The following RITA1 variants were observed in gnomAD, a reference collection of about 807,000 sequenced individuals.
The protein encoded by RITA1 is RBPJ interacting and tubulin associated 1, also known as RBPJ-interacting and tubulin-associated protein 1.
In RITA1, 15 loss-of-function variants were observed where a neutral mutation model predicts 8.7. That is an observed-to-expected ratio of 1.72 (90% CI 1.15 to 2.65). The LOEUF (loss-of-function observed/expected upper bound fraction) is 2.65, where lower values mean the gene tolerates loss of function less well. RITA1 is among the 30% of genes most tolerant of loss of function. The pLI, the probability that RITA1 is intolerant of heterozygous loss-of-function variation, is 0.00. For synonymous variants in RITA1, 145 were observed against 156.2 expected, an observed-to-expected ratio of 0.93 and a Z score of 0.53; for missense variants, 330 against 363.8, an observed-to-expected ratio of 0.91 and a Z score of 0.76.
chr12:113,191,778 A>G lies in RITA1; in HGVS notation c.771A>G (p.Arg257=), dbSNP rs775547497. 6.2e-7 allele frequency: 1 copy of G among 1,611,356 alleles called. No homozygotes were observed. The highest frequency in any genetic ancestry group is 8.5e-7 in the Non-Finnish European group (1 of 1,178,546). ...TTTCAGTGCCATCTACCCCACGACG[A>G]GGTGGGGCCACCCAGAAACCAAAGC... is the stretch of plus-strand genomic sequence containing the variant. ...VSISVPSTPR[R]GGATQKPKPP... Residue 257 remains arginine, a synonymous_variant, in exon 4 of 4, where the codon CGA becomes CGG. Transcript: ENST00000548278. This position sits in a 1 kb window ranked among gnomAD's most constrained non-coding sequence, Gnocchi z 4.0.
At position 113,186,288 on chromosome 12, in the gene RITA1, AAC is replaced by A; in HGVS notation, c.-91_-90del. ...CAGTGCTGTTGAGAGGATTAAATGA[AAC>A]AATGCTTGTAAAGCTCTTTGCAGGA... On this transcript the variant is annotated 5_prime_UTR_variant, in exon 2 of 4. An upstream open reading frame in the 5' UTR loses its in-frame stop. Coordinates refer to ENST00000548278, the MANE Select transcript of RITA1 (RefSeq NM_032848.3). 7.2e-7 allele frequency: 1 copy of A among 1,394,448 alleles called. No individual in the cohort carries two copies. Among genetic ancestry groups the A allele is most frequent in the Non-Finnish European group, 9.3e-7 (1 of 1,075,152 alleles). The allele number at this position is 1,394,448 out of a possible 1,614,324, so 86.4% of individuals were successfully genotyped here.
In RITA1 at chr12:113,191,655, T is replaced by C. The variant is rs1479010336; in HGVS notation, c.648T>C (p.Ser216=). The part of the protein sequence containing the change: ...NVPSTGHPAT[S]APHTNGPQDL... ...CCAGCACTGGTCATCCAGCCACCAG[T>C]GCCCCCCACACAAATGGGCCTCAGG... The change falls in exon 4 of 4, where the codon AGT becomes AGC. Residue 216 remains serine (S), a synonymous_variant. Coordinates refer to ENST00000548278, the MANE Select transcript of RITA1 (RefSeq NM_032848.3). The surrounding 1 kb of genome is among the most constrained non-coding windows in gnomAD (Gnocchi z 4.0). The C allele has an allele frequency of 6.2e-7, 1 of 1,614,002 alleles. No homozygotes were observed. The highest frequency in any genetic ancestry group is 1.3e-5 in the African/African-American group (1 of 74,922).
chr12:113,189,968 T>A (rs1158001307), intron 3 of RITA1, among the ~76,000 whole-genome samples: 1 of 150,628 alleles, frequency 6.6e-6, no homozygotes, highest in Non-Finnish European at 1.5e-5. Flanking sequence ...GCTCAGGAGT[T>A]CGCAGCTGCA....
rs2136332123 is a variant in RITA1, at chr12:113,185,917, G to A, written c.-301G>A. 2 of 1,484,100 alleles carry A rather than the reference G, an allele frequency of 1.3e-6. No individual in the cohort carries two copies. The highest frequency in any genetic ancestry group is 1.8e-4 in the Middle Eastern group (1 of 5,606). The allele number at this position is 1,484,100 out of a possible 1,614,324, so 91.9% of individuals were successfully genotyped here. On this transcript the variant is annotated 5_prime_UTR_variant, in exon 1 of 4. It removes an upstream start codon present in the reference 5' UTR. Coordinates refer to ENST00000548278, the MANE Select transcript of RITA1 (RefSeq NM_032848.3). ...CTGCAGATTGACGGGGATCCCGGATGCACCGCGCGCCCCCGCGCCCTCACC... is the reference window on the plus strand; with the variant it reads ...CTGCAGATTGACGGGGATCCCGGATACACCGCGCGCCCCCGCGCCCTCACC...
rs529527692 is a variant in RITA1, at chr12:113,190,332, A to T, written c.303-978A>T. On this transcript the variant is annotated intron_variant, in intron 3 of 3. Transcript: ENST00000548278. ...GGGTGACAGAGCGAGACTCTGTCTCAGAAAAAAAAAGAAAAAGAAAGAAAG... is the reference window on the plus strand; with the variant it reads ...GGGTGACAGAGCGAGACTCTGTCTCTGAAAAAAAAAGAAAAAGAAAGAAAG... 9.9e-5 allele frequency among the ~76,000 whole-genome samples: 15 copies of T among 151,046 alleles called. No homozygotes were observed. The South Asian group carries it at 2.9e-3, about 29-fold the overall frequency.
intron 3 of RITA1, among the ~76,000 whole-genome samples, chr12:113,190,835 C>T (rs1336670203): frequency 6.6e-6 from 1 of 152,184 alleles, no homozygotes; most frequent in Non-Finnish European, 1.5e-5. Flanking sequence ...TCCCTGCATG[C>T]CCTTCAATCT....
Position 113,186,000 on chromosome 12 carries a change from G to C in RITA1, c.-218G>C, listed in dbSNP as rs548186802. ...GGGACGGGTCCCTGAGGATCCCGAT[G>C]CCTACGAGCCAAGATGCTCAGGTAG... On this transcript the variant is annotated 5_prime_UTR_variant, in exon 1 of 4. The change abolishes an upstream ATG in the 5' untranslated region. Transcript: ENST00000548278. 5.3e-5 allele frequency: 82 copies of C among 1,535,980 alleles called. No homozygotes were observed. The East Asian group carries it at 1.9e-3, about 35-fold the overall frequency.
rs761933915 is a variant in RITA1 at position 113,191,501 on chromosome 12, A to G, written c.494A>G (p.His165Arg). Residue 165 changes from histidine (H) to arginine (R), a missense_variant, in exon 4 of 4, where the codon CAC becomes CGC. His to Arg is a conservative substitution (Grantham distance 29). Coordinates refer to ENST00000548278, the MANE Select transcript of RITA1 (RefSeq NM_032848.3). This position sits in a 1 kb window ranked among gnomAD's most constrained non-coding sequence, Gnocchi z 4.0. Reference protein sequence around the residue: ...RPREAPLRAIHPAGPSKTEPG... With the variant: ...RPREAPLRAIRPAGPSKTEPG... Reference sequence around the variant, plus strand: ...AGGGAGGCACCACTGCGAGCCATTCACCCAGCTGGTCCCTCCAAGACAGAG... The same window carrying G: ...AGGGAGGCACCACTGCGAGCCATTCGCCCAGCTGGTCCCTCCAAGACAGAG... The G allele has an allele frequency of 1.9e-6, 3 of 1,605,906 alleles. No homozygotes were observed. In the African/African-American group the frequency reaches 4.0e-5, roughly 21 times the overall value.
In RITA1 at chr12:113,186,948, A is replaced by G; in HGVS notation, c.202A>G (p.Lys68Glu). 6.2e-7 allele frequency: 1 copy of G among 1,614,080 alleles called. No individual in the cohort carries two copies. Among genetic ancestry groups the G allele is most frequent in the Admixed American group, 1.7e-5 (1 of 60,006 alleles). ...EKANRTRGVGKEASKALGAKG... is the reference protein window; with the variant it reads ...EKANRTRGVGEEASKALGAKG... ...GGCTAACAGAACCAGAGGCGTGGGC[A>G]AGGAGGCATCGAAGGCCTTGGGGGC... The change falls in exon 3 of 4, where the codon AAG (lysine) becomes GAG (glutamate). Residue 68 changes from lysine (K) to glutamate (E), a missense_variant. Transcript: ENST00000548278.
chr12:113,190,441 T>C (rs1952588464), intron 3 of RITA1, among the ~76,000 whole-genome samples: 1 of 152,126 alleles, frequency 6.6e-6, no homozygotes, highest in Admixed American at 6.5e-5. Flanking sequence ...GTTCAGGAAC[T>C]CAAGACCAGC....
At chr12:113,190,298 C>T (rs891377914) in intron 3 of RITA1, among the ~76,000 whole-genome samples, 5 of 151,896 alleles carry the variant, frequency 3.3e-5, no homozygotes, top group African/African-American at 1.2e-4. Context: ...CACCACTGCA[C>T]TCCAGCCTGG....
In RITA1 at chr12:113,186,218, C is replaced by G; in HGVS notation, c.-163C>G. The G allele has an allele frequency of 5.2e-6, 7 of 1,357,418 alleles. No homozygotes were observed. Among genetic ancestry groups the G allele is most frequent in the Non-Finnish European group, 6.8e-6 (7 of 1,022,904 alleles). The allele number at this position is 1,357,418 out of a possible 1,614,324, so 84.1% of individuals were successfully genotyped here. On this transcript the variant is annotated 5_prime_UTR_variant, in exon 2 of 4. Transcript: ENST00000548278. ...GTGTGACCTACACATGTGACTTCAC[C>G]TCAGTTTTGTGATCCGTAAAATGGA...
chr12:113,191,669 A>G lies in RITA1; in HGVS notation c.662A>G (p.Asn221Ser). The G allele has an allele frequency of 6.8e-6, 11 of 1,614,092 alleles. No individual in the cohort carries two copies. Among genetic ancestry groups the G allele is most frequent in the Non-Finnish European group, 9.3e-6 (11 of 1,180,012 alleles). The stretch of plus-strand genomic sequence containing the variant: ...CCAGCCACCAGTGCCCCCCACACAA[A>G]TGGGCCTCAGGATCTCAGGCCTTCC... ...GHPATSAPHT[N>S]GPQDLRPSTS... The change falls in exon 4 of 4, where the codon AAT (asparagine) becomes AGT (serine). Residue 221 changes from asparagine to serine, a missense_variant. Physicochemically the swap from Asn to Ser is conservative, Grantham distance 46. Transcript: ENST00000548278. The surrounding 1 kb of genome is among the most constrained non-coding windows in gnomAD (Gnocchi z 4.0).
chr12:113,191,492 G>C lies in RITA1; in HGVS notation c.485G>C (p.Arg162Pro). The C allele has an allele frequency of 6.2e-7, 1 of 1,605,704 alleles. No individual in the cohort carries two copies. Among genetic ancestry groups the C allele is most frequent in the Non-Finnish European group, 8.5e-7 (1 of 1,173,640 alleles). Residue 162 changes from arginine (R) to proline (P), a missense_variant, in exon 4 of 4, where the codon CGA becomes CCA. Physicochemically the swap from Arg to Pro is moderately radical, Grantham distance 103. Coordinates refer to ENST00000548278, the MANE Select transcript of RITA1 (RefSeq NM_032848.3). This position sits in a 1 kb window ranked among gnomAD's most constrained non-coding sequence, Gnocchi z 4.0. Reference protein sequence around the residue: ...HSPRPREAPLRAIHPAGPSKT... With the variant: ...HSPRPREAPLPAIHPAGPSKT... ...CCCCGCCCCAGGGAGGCACCACTGC[G>C]AGCCATTCACCCAGCTGGTCCCTCC...
At position 113,188,737 on chromosome 12, in the gene RITA1, C is replaced by G. The variant is rs11503147; in HGVS notation, c.302+1689C>G. On this transcript the variant is annotated intron_variant, in intron 3 of 3. Transcript: ENST00000548278. ...TCTTCCTCTCATAAGGACACCAGTT[C>G]TATTGGATTAGGATCCCCTACCCTT... 2.5e-5 allele frequency among the ~76,000 whole-genome samples: 3 copies of G among 120,480 alleles called. No homozygotes were observed. The Admixed American group carries it at 3.1e-4, about 12-fold the overall frequency. The allele number at this position is 120,480 out of a possible 152,430, so 79.0% of individuals were successfully genotyped here. A position where few individuals can be genotyped will look rare whatever the true frequency, so the allele number is the denominator to read the frequency against.
Position 113,191,959 on chromosome 12 carries a change from T to G in RITA1, c.*142T>G. The stretch of plus-strand genomic sequence containing the variant: ...AGACAGACATAGCAGGGGTGGGCAG[T>G]GCCTCCCTTTATCCTGACAATCTCT... On this transcript the variant is annotated 3_prime_UTR_variant, in exon 4 of 4. Transcript: ENST00000548278. This position sits in a 1 kb window ranked among gnomAD's most constrained non-coding sequence, Gnocchi z 4.0. The G allele has an allele frequency of 9.4e-7, 1 of 1,064,612 alleles. No individual in the cohort carries two copies. Among genetic ancestry groups the G allele is most frequent in the Non-Finnish European group, 1.3e-6 (1 of 753,162 alleles). 65.9% of individuals were successfully genotyped at this position (1,064,612 alleles called of 1,614,324 possible).
chr12:113,187,900 T>TC (rs1341754717), intron 3 of RITA1, among the ~76,000 whole-genome samples: 1 of 152,242 alleles, frequency 6.6e-6, no homozygotes, highest in Non-Finnish European at 1.5e-5. Flanking sequence ...CAGATTAATA[T>TC]CAGCCTGGAG....
intron 3 of RITA1, among the ~76,000 whole-genome samples, chr12:113,188,948 T>TA (rs1952569894): frequency 6.6e-6 from 1 of 151,274 alleles, no homozygotes; most frequent in Non-Finnish European, 1.5e-5. Flanking sequence ...TAGCTGGCAT[T>TA]ACAGGTGCAC....
At position 113,191,239 on chromosome 12, in the gene RITA1, G is replaced by T. The variant is rs1952596903; in HGVS notation, c.303-71G>T. On this transcript the variant is annotated intron_variant, in intron 3 of 3. Coordinates refer to ENST00000548278, the MANE Select transcript of RITA1 (RefSeq NM_032848.3). This position sits in a 1 kb window ranked among gnomAD's most constrained non-coding sequence, Gnocchi z 4.0. ...CTCTGCTGCTGCCATCCCAGGGTGG[G>T]TGGGAGAGCTGTTAAAGTTTTGAGG... is the stretch of plus-strand genomic sequence containing the variant. 2 of 1,477,406 alleles carry T rather than the reference G, an allele frequency of 1.4e-6. No individual in the cohort carries two copies. The allele number at this position is 1,477,406 out of a possible 1,614,324, so 91.5% of individuals were successfully genotyped here. A position where few individuals can be genotyped will look rare whatever the true frequency, so the allele number is the denominator to read the frequency against.
Sources: gnomAD v4.1 joint callset for allele counts (sites outside exome capture counted in the v4.1 genomes callset) on GRCh38, gnomAD v4.1.1 for gene constraint, Gnocchi (gnomAD v3.1) non-coding constraint, MANE v1.5 for transcripts, NCBI Gene and HGNC (gene_info 2026-07-23, HGNC 2026-07-21) for gene names.